IGF1: variants seen among roughly 807,000 people sequenced by gnomAD.
IGF1 encodes the protein insulin like growth factor 1, also known as insulin-like growth factor 1.
IGF1 carries 4 observed loss-of-function variants against 13.8 expected under a neutral mutation model. That is an observed-to-expected ratio of 0.29 (90% CI 0.14 to 0.66). IGF1 has a LOEUF of 0.66. Among genes scored for constraint, IGF1 ranks in the 30% least tolerant of loss-of-function variants. IGF1 has a pLI of 0.78. For missense variants in IGF1, 124 were observed against 188.5 expected, an observed-to-expected ratio of 0.66 and a Z score of 2.00; for synonymous variants, 76 against 72.6, an observed-to-expected ratio of 1.05 and a Z score of -0.23.
chr12:102,462,928 A>G (rs140503834), intron 2 of IGF1: 1 of 152,336 alleles, frequency 6.6e-6, no homozygotes, highest in East Asian at 1.9e-4. Context: ...AGGAAGCAAC[A>G]TGCTGAAAAT....
At chr12:102,456,565 G>A (rs528508726) in intron 2 of IGF1, among the ~76,000 whole-genome samples, 1 of 151,742 alleles carries the variant, frequency 6.6e-6, no homozygotes, top group East Asian at 1.9e-4. Context: ...GTTCTCTTTG[G>A]CGTTCCATGC....
chr12:102,416,475 T>C (rs1372784263), intron 3 of IGF1, among the ~76,000 whole-genome samples: 1 of 152,228 alleles, frequency 6.6e-6, no homozygotes. Flanking sequence ...TCTCTTTTCC[T>C]TCTGGAATTC....
At chr12:102,417,528 G>A in intron 3 of IGF1, 8 of 1,086,554 alleles carry the variant, frequency 7.4e-6, no homozygotes, top group Non-Finnish European at 9.0e-6. Context: ...GTGTTTTAGA[G>A]GCAGAGAATA....
chr12:102,446,640 GTCTA>G (rs1414404137), intron 2 of IGF1, among the ~76,000 whole-genome samples: 2 of 152,014 alleles, frequency 1.3e-5, no homozygotes, highest in African/African-American at 2.4e-5. Flanking sequence ...CTTGCTAGCG[GTCTA>G]TCTATTTTGC....
At chr12:102,472,401 A>G (rs769942612) in intron 2 of IGF1, among the ~76,000 whole-genome samples, 1 of 152,128 alleles carries the variant, frequency 6.6e-6, no homozygotes, top group Non-Finnish European at 1.5e-5. Flanking sequence ...TTTTATTCAG[A>G]ACAGTTCTAA....
chr12:102,465,271 A>C (rs1880217677), intron 2 of IGF1, among the ~76,000 whole-genome samples: 1 of 152,234 alleles, frequency 6.6e-6, no homozygotes, highest in African/African-American at 2.4e-5. Flanking sequence ...GGCAAAAAGC[A>C]TCCAATTCAG....
chr12:102,450,948 T>C lies in IGF1; in HGVS notation c.220+24695A>G, dbSNP rs73180990. Among the ~76,000 whole-genome samples the C allele has an allele frequency of 8.8e-3, 1,346 of 152,304 alleles. 13 individuals are homozygous for C. Among genetic ancestry groups the C allele is most frequent in the Middle Eastern group, 0.021 (6 of 292 alleles). On this transcript the variant is annotated intron_variant, in intron 2 of 3. Coordinates refer to ENST00000337514, the MANE Select transcript of IGF1 (RefSeq NM_000618.5). ...AGCTTTAAAAGATCTTTATAGTAGATTAGTTATAGTTGCTTAGTCTGTTAA... is the reference window on the plus strand; with the variant it reads ...AGCTTTAAAAGATCTTTATAGTAGACTAGTTATAGTTGCTTAGTCTGTTAA...
chr12:102,411,940 G>A (rs895046608), intron 3 of IGF1, among the ~76,000 whole-genome samples: 5 of 152,160 alleles, frequency 3.3e-5, no homozygotes, highest in Non-Finnish European at 7.4e-5. Context: ...GTAAGGGCAG[G>A]GGATGATAGA....
At chr12:102,463,168 C>G (rs375823075) in intron 2 of IGF1, 18 of 152,228 alleles carry the variant, frequency 1.2e-4, no homozygotes, top group African/African-American at 4.1e-4. Flanking sequence ...ATCAATTGCT[C>G]GCTCCCAAAT....
At chr12:102,479,567 CAGAACCCCA>C (rs1224081756) in intron 1 of IGF1, among the ~76,000 whole-genome samples, 1 of 152,164 alleles carries the variant, frequency 6.6e-6, no homozygotes, top group East Asian at 1.9e-4. Flanking sequence ...TTTTATAACA[CAGAACCCCA>C]AGTCCAAACT....
intron 2 of IGF1, among the ~76,000 whole-genome samples, chr12:102,430,051 AT>A (rs1355271563): frequency 6.6e-6 from 1 of 152,130 alleles, no homozygotes; most frequent in Non-Finnish European, 1.5e-5. Context: ...CTTGTGGGCC[AT>A]TTTATTTCCC....
At chr12:102,450,595 T>A (rs1012008176) in intron 2 of IGF1, among the ~76,000 whole-genome samples, 3 of 152,222 alleles carry the variant, frequency 2.0e-5, no homozygotes, top group African/African-American at 4.8e-5. Context: ...AATCTGGAGA[T>A]GATTATTATT....
intron 2 of IGF1, among the ~76,000 whole-genome samples, chr12:102,464,580 C>A (rs1186001721): frequency 6.6e-6 from 1 of 151,294 alleles, no homozygotes; most frequent in Non-Finnish European, 1.5e-5. Flanking sequence ...GTAGCAGTAG[C>A]CAGTATTTGA....
At chr12:102,453,006 A>G (rs1227687901) in intron 2 of IGF1, among the ~76,000 whole-genome samples, 2 of 152,194 alleles carry the variant, frequency 1.3e-5, no homozygotes, top group African/African-American at 2.4e-5. Flanking sequence ...GTGTTTTTGA[A>G]TCTTCCTCAG....
intron 3 of IGF1, chr12:102,418,080 C>T (rs1310971689): frequency 1.4e-6 from 2 of 1,480,554 alleles, no homozygotes; most frequent in Middle Eastern, 1.8e-4. Context: ...TCAGAATGCC[C>T]AGGCTCCATA....
rs181460246 is a variant in IGF1, at chr12:102,417,528, G to C, written c.402+1981C>G. The C allele has an allele frequency of 1.9e-4, 202 of 1,086,552 alleles. 1 individual carries two copies. The African/African-American group carries it at 3.3e-3, about 18-fold the overall frequency. The allele number at this position is 1,086,552 out of a possible 1,614,324, so 67.3% of individuals were successfully genotyped here. A position where few individuals can be genotyped will look rare whatever the true frequency, so the allele number is the denominator to read the frequency against. ...TTCTTTTATTTAATTGTGTTTTAGA[G>C]GCAGAGAATAGTGTGTCTTTTTTTG... On this transcript the variant is annotated intron_variant, in intron 3 of 3. Transcript: ENST00000337514.
At chr12:102,448,433 G>A (rs1357132416) in intron 2 of IGF1, among the ~76,000 whole-genome samples, 5 of 146,104 alleles carry the variant, frequency 3.4e-5, no homozygotes, top group African/African-American at 7.6e-5. Context: ...GTAAACTATC[G>A]CAAGAACAAA....
intron 2 of IGF1, among the ~76,000 whole-genome samples, chr12:102,451,177 T>C (rs1439988678): frequency 6.6e-6 from 1 of 152,242 alleles, no homozygotes; most frequent in Non-Finnish European, 1.5e-5. Flanking sequence ...AGGACTCTTC[T>C]ACGTAGACCA....
intron 2 of IGF1, among the ~76,000 whole-genome samples, chr12:102,441,903 A>ACTGCTGCTGCTGCTGCTG (rs142314979): frequency 4.7e-4 from 13 of 27,394 alleles, no homozygotes; most frequent in African/African-American, 1.3e-3. Context: ...ATTCTATTAC[A>ACTGCTGCTGCTGCTGCTG]CTGCTTCTTC....
Sources: allele counts gnomAD v4.1 joint callset (sites outside exome capture counted in the v4.1 genomes callset), GRCh38; gene constraint gnomAD v4.1.1; transcripts MANE v1.5; gene names NCBI Gene and HGNC (gene_info 2026-07-23, HGNC 2026-07-21).